Variants in OR9Q1 observed in about 807,000 individuals in gnomAD.
OR9Q1 encodes the protein olfactory receptor 9Q1.
For synonymous variants in OR9Q1, 153 were observed against 148.6 expected (o/e 1.03, Z -0.22); for missense variants, 374 against 378.8 (o/e 0.99, Z 0.11).
intron 1 of OR9Q1, among the ~76,000 whole-genome samples, chr11:58,027,996 C>T (rs570512410): frequency 6.6e-6 from 1 of 151,380 alleles, no homozygotes; most frequent in East Asian, 1.9e-4. Context: ...AGGGTGGATG[C>T]TGGGGCACCT....
chr11:58,119,025 G>C (rs374490300), intron 2 of OR9Q1: 1 of 1,613,906 alleles, frequency 6.2e-7, no homozygotes, highest in Non-Finnish European at 8.5e-7. Context: ...GGCTCCAGCA[G>C]AGCCTGGGAT....
intron 2 of OR9Q1, among the ~76,000 whole-genome samples, chr11:58,110,532 A>ATAG (rs1422499650): frequency 6.6e-6 from 1 of 152,176 alleles, no homozygotes; most frequent in Non-Finnish European, 1.5e-5. Flanking sequence ...TAATCCTGGA[A>ATAG]TAGCTCTTAT....
chr11:58,161,218 T>G (rs1222237405), intron 2 of OR9Q1, among the ~76,000 whole-genome samples: 2 of 148,686 alleles, frequency 1.3e-5, no homozygotes, highest in Non-Finnish European at 3.0e-5. Context: ...GTTGTGCACA[T>G]GTACCCTAGA....
intron 1 of OR9Q1, among the ~76,000 whole-genome samples, chr11:58,039,332 A>C (rs1002182756): frequency 2.6e-4 from 40 of 152,300 alleles, no homozygotes; most frequent in African/African-American, 9.4e-4. Context: ...TGGTGGCTTC[A>C]TTCTCATTGG....
chr11:58,115,560 C>G (rs1853945460), intron 2 of OR9Q1, among the ~76,000 whole-genome samples: 1 of 152,026 alleles, frequency 6.6e-6, no homozygotes, highest in Non-Finnish European at 1.5e-5. Context: ...GAAAATCAGT[C>G]AAAACAACAG....
At chr11:58,126,817 A>G (rs1854094612) in intron 2 of OR9Q1, among the ~76,000 whole-genome samples, 1 of 152,194 alleles carries the variant, frequency 6.6e-6, no homozygotes, top group African/African-American at 2.4e-5. Flanking sequence ...ATTCCATTCA[A>G]CATCCCCTGG....
chr11:58,067,059 T>G (rs1853436787), intron 2 of OR9Q1, among the ~76,000 whole-genome samples: 1 of 147,830 alleles, frequency 6.8e-6, no homozygotes, highest in African/African-American at 2.5e-5. Flanking sequence ...TGAGACAGAG[T>G]CTCGTTCTGT....
chr11:58,069,836 T>C (rs550306757), intron 2 of OR9Q1, among the ~76,000 whole-genome samples: 2 of 151,756 alleles, frequency 1.3e-5, no homozygotes, highest in Non-Finnish European at 2.9e-5. Context: ...CTCCACTGCA[T>C]TCCAGCCTGT....
At chr11:58,136,800 C>T (rs951819029) in intron 2 of OR9Q1, among the ~76,000 whole-genome samples, 5 of 152,182 alleles carry the variant, frequency 3.3e-5, no homozygotes, top group African/African-American at 4.8e-5. Context: ...AGGAGACCCT[C>T]TCCCAATCCC....
At chr11:58,050,215 A>AACCAAAACAGCATGGTGCTGGT (rs1853260094) in intron 1 of OR9Q1, among the ~76,000 whole-genome samples, 1 of 135,176 alleles carries the variant, frequency 7.4e-6, no homozygotes, top group Admixed American at 7.9e-5. Flanking sequence ...AGGCTACAGT[A>AACCAAAACAGCATGGTGCTGGT]ACCAAAACAG....
At chr11:58,041,102 G>A (rs1225931158) in intron 1 of OR9Q1, 2 of 152,358 alleles carry the variant, frequency 1.3e-5, no homozygotes, top group Non-Finnish European at 2.9e-5. Flanking sequence ...AGTTCCAAGA[G>A]AAGTTCCAAG....
At chr11:58,057,337 C>T (rs1371801824) in intron 2 of OR9Q1, among the ~76,000 whole-genome samples, 6 of 152,064 alleles carry the variant, frequency 3.9e-5, no homozygotes, top group Non-Finnish European at 5.9e-5. Context: ...AAAAAGACCT[C>T]GAACACAGAG....
chr11:58,053,071 C>A (rs1011250358), intron 1 of OR9Q1, among the ~76,000 whole-genome samples: 4 of 151,618 alleles, frequency 2.6e-5, no homozygotes, highest in African/African-American at 9.7e-5. Context: ...ACTAGAAATA[C>A]CATTTGACCC....
At chr11:58,137,773 G>C (rs1403113693) in intron 2 of OR9Q1, among the ~76,000 whole-genome samples, 1 of 152,112 alleles carries the variant, frequency 6.6e-6, no homozygotes, top group Non-Finnish European at 1.5e-5. Context: ...TCTATAAATA[G>C]GGATAGGAAA....
At chr11:58,169,070 T>C (rs1382437118) in intron 2 of OR9Q1, among the ~76,000 whole-genome samples, 1 of 152,170 alleles carries the variant, frequency 6.6e-6, no homozygotes, top group East Asian at 1.9e-4. Context: ...TGACAGTTGA[T>C]TGGATATTAA....
chr11:58,120,105 T>C (rs1854013097), intron 2 of OR9Q1, among the ~76,000 whole-genome samples: 1 of 152,182 alleles, frequency 6.6e-6, no homozygotes, highest in South Asian at 2.1e-4. Flanking sequence ...AAAAAGTCTT[T>C]CTTTCTACTT....
At chr11:58,081,662 G>T (rs187934308) in intron 2 of OR9Q1, among the ~76,000 whole-genome samples, 1 of 152,128 alleles carries the variant, frequency 6.6e-6, no homozygotes, top group Admixed American at 6.6e-5. Context: ...TTTTGATGGG[G>T]TTGTTTGTTT....
At chr11:58,091,084 A>C (rs1853679549) in intron 2 of OR9Q1, among the ~76,000 whole-genome samples, 1 of 151,224 alleles carries the variant, frequency 6.6e-6, no homozygotes, top group South Asian at 2.1e-4. Flanking sequence ...ATTTTTTTTA[A>C]AAAAAACAAG....
chr11:58,173,261 T>C lies in OR9Q1; in HGVS notation c.-14-6170T>C, dbSNP rs563178066. Among the ~76,000 whole-genome samples the C allele has an allele frequency of 4.6e-5, 7 of 151,214 alleles. No homozygotes were observed. The South Asian group carries it at 1.5e-3, about 32-fold the overall frequency. On this transcript the variant is annotated intron_variant, in intron 2 of 2. Coordinates refer to ENST00000335397, the MANE Select transcript of OR9Q1 (RefSeq NM_001005212.4). The stretch of plus-strand genomic sequence containing the variant: ...TTAACTCGTCATTTAGCATTAGATA[T>C]AGCTCCTAATGCTATCCCTCCCCCC...
Sources: allele counts gnomAD v4.1 joint callset (sites outside exome capture counted in the v4.1 genomes callset), GRCh38; gene constraint gnomAD v4.1.1; transcripts MANE v1.5; gene names NCBI Gene and HGNC (gene_info 2026-07-23, HGNC 2026-07-21).